SELP: variants seen among roughly 807,000 people sequenced by gnomAD.
SELP encodes the protein P-selectin.
A neutral mutation model predicts 104.1 loss-of-function variants in SELP; 92 were observed. The observed-to-expected ratio is 0.88, with a 90% CI of 0.75 to 1.05. The LOEUF (loss-of-function observed/expected upper bound fraction) is 1.05. SELP is among the 50% of genes least tolerant of loss of function. The pLI, the probability that SELP is intolerant of heterozygous loss-of-function variation, is 0.00. For missense variants in SELP, 1,022 were observed against 1,017.3 expected (o/e 1.00, Z -0.06); for synonymous variants, 397 against 364.5 (o/e 1.09, Z -1.01).
At chr1:169,596,474 C>A (rs1165947701) in intron 11 of SELP, among the ~76,000 whole-genome samples, 1 of 152,212 alleles carries the variant, frequency 6.6e-6, no homozygotes, top group Non-Finnish European at 1.5e-5. Flanking sequence ...GCCTGCCCAA[C>A]CCTGCCTTAT....
intron 6 of SELP, among the ~76,000 whole-genome samples, 198 bp downstream of exon 6, chr1:169,612,019 C>A (rs942266379): frequency 1.3e-5 from 2 of 152,110 alleles, no homozygotes; most frequent in Non-Finnish European, 2.9e-5. Context: ...AAACTGCCTG[C>A]ATTTGTGTTT....
intron 9 of SELP, among the ~76,000 whole-genome samples, chr1:169,603,540 G>A (rs1662030648): frequency 6.6e-6 from 1 of 151,976 alleles, no homozygotes; most frequent in African/African-American, 2.4e-5. Flanking sequence ...GGAGGATAGT[G>A]GTGCAACTCA....
chr1:169,595,995 T>C lies in SELP; in HGVS notation c.2031A>G (p.Thr677=). 1.2e-6 allele frequency: 2 copies of C among 1,613,832 alleles called. No individual in the cohort carries two copies. The highest frequency in any genetic ancestry group is 1.3e-5 in the African/African-American group (1 of 74,992). Residue 677 remains threonine, a synonymous_variant, in exon 12 of 17, where the codon ACA becomes ACG. Coordinates refer to ENST00000263686, the MANE Select transcript of SELP (RefSeq NM_003005.4). Reference sequence around the variant, plus strand: ...AGCTGAGAGTGCTGTCTCCTATGAGTGTGAATCCAGCGTTGCAGCCAAAGT... The same window carrying C: ...AGCTGAGAGTGCTGTCTCCTATGAGCGTGAATCCAGCGTTGCAGCCAAAGT... The part of the protein sequence containing the change: ...TCYFGCNAGF[T]LIGDSTLSCR...
intron 9 of SELP, among the ~76,000 whole-genome samples, chr1:169,605,434 TC>T (rs1198571326): frequency 6.6e-6 from 1 of 151,434 alleles, no homozygotes; most frequent in African/African-American, 2.4e-5. Context: ...ATTCATTCAT[TC>T]ATTCATTCAT....
chr1:169,591,269 G>T (rs1202685808), intron 15 of SELP, among the ~76,000 whole-genome samples, 157 bp downstream of exon 15: 2 of 152,028 alleles, frequency 1.3e-5, no homozygotes, highest in South Asian at 4.1e-4. Flanking sequence ...TAGAATATTT[G>T]TTATCTGTGT....
intron 7 of SELP, 26 bp from the exon 8 acceptor site, chr1:169,609,715 G>C (rs1557960718): frequency 1.3e-6 from 2 of 1,585,404 alleles, no homozygotes; most frequent in African/African-American, 2.7e-5. Flanking sequence ...ATCTTCTAAA[G>C]CCAGGTAATG....
intron 7 of SELP, among the ~76,000 whole-genome samples, chr1:169,610,435 A>C (rs1223477866): frequency 6.6e-6 from 1 of 152,156 alleles, no homozygotes; most frequent in African/African-American, 2.4e-5. Flanking sequence ...GAAACTTTTC[A>C]AAGTGTAAAG....
chr1:169,619,089 A>G (rs2101918838), intron 2 of SELP, 40 bp downstream of exon 2: 1 of 1,485,122 alleles, frequency 6.7e-7, no homozygotes, highest in East Asian at 2.3e-5. Context: ...GCTCTACCCT[A>G]ATTACTTAGG....
intron 8 of SELP, among the ~76,000 whole-genome samples, chr1:169,609,241 C>T (rs1393652616): frequency 6.6e-6 from 1 of 152,120 alleles, no homozygotes; most frequent in Non-Finnish European, 1.5e-5. Context: ...TTTATTCCCC[C>T]AAGCCCCATC....
intron 9 of SELP, among the ~76,000 whole-genome samples, chr1:169,604,392 T>C (rs1662080564): frequency 6.6e-6 from 1 of 152,202 alleles, no homozygotes; most frequent in South Asian, 2.1e-4. Flanking sequence ...GTTCTCCCAT[T>C]CTGTAGGTTG....
chr1:169,612,044 A>T (rs1662562888), intron 6 of SELP, among the ~76,000 whole-genome samples, 173 bp downstream of exon 6: 1 of 152,092 alleles, frequency 6.6e-6, no homozygotes, highest in South Asian at 2.1e-4. Context: ...AAAGAAAGGA[A>T]TTTTTTTCCT....
chr1:169,625,128 C>T (rs1356033138), intron 1 of SELP, among the ~76,000 whole-genome samples: 1 of 152,292 alleles, frequency 6.6e-6, no homozygotes, highest in East Asian at 1.9e-4. Context: ...ACCATCCTAT[C>T]AAAGTGTCCC....
At chr1:169,590,923 A>G (rs1037371043) in intron 15 of SELP, among the ~76,000 whole-genome samples, 6 of 152,242 alleles carry the variant, frequency 3.9e-5, no homozygotes, top group Admixed American at 1.3e-4. Flanking sequence ...GAACTCAAGC[A>G]CTTTACATGT....
rs1434818098 is a variant in SELP, at chr1:169,595,995, T to G, written c.2031A>C (p.Thr677=). ...TCYFGCNAGF[T]LIGDSTLSCR... ...AGCTGAGAGTGCTGTCTCCTATGAG[T>G]GTGAATCCAGCGTTGCAGCCAAAGT... Residue 677 remains threonine, a synonymous_variant, in exon 12 of 17, where the codon ACA becomes ACC. Transcript: ENST00000263686. The G allele has an allele frequency of 6.2e-7, 1 of 1,613,832 alleles. No homozygotes were observed. The highest frequency in any genetic ancestry group is 8.5e-7 in the Non-Finnish European group (1 of 1,179,814).
rs375774069 is a variant in SELP at position 169,597,221 on chromosome 1, G to T, written c.1706-45C>A. The T allele has an allele frequency of 3.4e-6, 5 of 1,482,442 alleles. No individual in the cohort carries two copies. In the African/African-American group the frequency reaches 7.2e-5, roughly 21 times the overall value. The allele number at this position is 1,482,442 out of a possible 1,614,324, so 91.8% of individuals were successfully genotyped here. A position where few individuals can be genotyped will look rare whatever the true frequency, so the allele number is the denominator to read the frequency against. ...GTGTCACAATCTCCAAGTTTATTCA[G>T]AAGTTCTGTGTTACACAAAGTTCAT... On this transcript the variant is annotated intron_variant, in intron 10 of 16. Transcript: ENST00000263686.
chr1:169,611,058 T>C (rs1170564738), intron 7 of SELP, among the ~76,000 whole-genome samples: 1 of 152,132 alleles, frequency 6.6e-6, no homozygotes, highest in East Asian at 1.9e-4. Flanking sequence ...TTGGCGGAAT[T>C]ATGTAATTGC....
intron 7 of SELP, among the ~76,000 whole-genome samples, chr1:169,610,200 T>C (rs768712031): frequency 2.4e-4 from 37 of 151,180 alleles, no homozygotes; most frequent in African/African-American, 8.7e-4. Flanking sequence ...AAAGCTGGAC[T>C]AGCATAGCTT....
chr1:169,612,457 C>T lies in SELP; in HGVS notation c.776-55G>A, dbSNP rs984039915. On this transcript the variant is annotated intron_variant, in intron 5 of 16. Coordinates refer to ENST00000263686, the MANE Select transcript of SELP (RefSeq NM_003005.4). Reference sequence around the variant, plus strand: ...GTCCTTGGACAAATTTTGTCCATCACCTTGGAAGCCTTCAAATTCTGCAGC... The same window carrying T: ...GTCCTTGGACAAATTTTGTCCATCATCTTGGAAGCCTTCAAATTCTGCAGC... 5 of 1,555,328 alleles carry T rather than the reference C, an allele frequency of 3.2e-6. No homozygotes were observed. The African/African-American group carries it at 6.8e-5, about 21-fold the overall frequency.
At position 169,611,611 on chromosome 1, in the gene SELP, G is replaced by A. The variant is rs764864800; in HGVS notation, c.1028C>T (p.Ala343Val). The A allele has an allele frequency of 6.2e-7, 1 of 1,614,154 alleles. No homozygotes were observed. Among genetic ancestry groups the A allele is most frequent in the Non-Finnish European group, 8.5e-7 (1 of 1,180,004 alleles). ...GTMDCVHPLTAFAYGSSCKFE... is the reference protein window; with the variant it reads ...GTMDCVHPLTVFAYGSSCKFE... ...TTTACAGCTGGAGCCATAGGCAAAAGCAGTGAGCGGATGAACACAGTCCAT... is the reference window on the plus strand; with the variant it reads ...TTTACAGCTGGAGCCATAGGCAAAAACAGTGAGCGGATGAACACAGTCCAT... Residue 343 changes from alanine (A) to valine (V), a missense_variant, in exon 7 of 17, where the codon GCT (alanine) becomes GTT (valine). Transcript: ENST00000263686.
Sources: gnomAD v4.1 joint callset for allele counts (sites outside exome capture counted in the v4.1 genomes callset) on GRCh38, gnomAD v4.1.1 for gene constraint, MANE v1.5 for transcripts, NCBI Gene and HGNC (gene_info 2026-07-23, HGNC 2026-07-21) for gene names.